Variants in ATAD2B observed in about 807,000 individuals in gnomAD.
ATAD2B encodes ATPase family AAA domain-containing protein 2B.
In ATAD2B, 40 loss-of-function variants were observed where a neutral mutation model predicts 167.6. The observed-to-expected ratio is 0.24, with a 90% CI of 0.19 to 0.31. The LOEUF is 0.31. Among genes scored for constraint, ATAD2B ranks in the 10% least tolerant of loss-of-function variants. ATAD2B has a pLI of 1.00. For synonymous variants in ATAD2B, 579 were observed against 596.5 expected (o/e 0.97, Z 0.43); for missense variants, 1,242 against 1,757.2 (o/e 0.71, Z 5.24).
intron 19 of ATAD2B, among the ~76,000 whole-genome samples, chr2:23,791,468 CTT>C (rs34442242): frequency 0.049 from 6,883 of 139,296 alleles, 201 homozygotes; most frequent in Non-Finnish European, 0.07. Flanking sequence ...TGCAAAAGCA[CTT>C]TTTTTTTTTT....
chr2:23,825,237 C>A (rs1688072140), intron 15 of ATAD2B, among the ~76,000 whole-genome samples: 1 of 151,326 alleles, frequency 6.6e-6, no homozygotes, highest in Non-Finnish European at 1.5e-5. Flanking sequence ...AGTCATCACA[C>A]CTGGCCTATT....
chr2:23,739,701 A>T, the ATAD2B span, among the ~76,000 whole-genome samples: 1 of 152,266 alleles, frequency 6.6e-6, no homozygotes, highest in African/African-American at 2.4e-5. Flanking sequence ...AACTAAGATC[A>T]GAGCATAACT....
the ATAD2B span, among the ~76,000 whole-genome samples, chr2:23,684,960 G>A: frequency 2.0e-5 from 3 of 152,330 alleles, no homozygotes; most frequent in East Asian, 1.9e-4. This position sits in a 1 kb window ranked among gnomAD's most constrained non-coding sequence, Gnocchi z 4.4. Context: ...TGCTGTCGGT[G>A]GTGACTAATG....
intron 13 of ATAD2B, among the ~76,000 whole-genome samples, chr2:23,837,252 C>A (rs1160310167): frequency 6.6e-6 from 1 of 152,218 alleles, no homozygotes; most frequent in Non-Finnish European, 1.5e-5. Context: ...CCCAATCTTG[C>A]TCCAAGATCG....
At chr2:23,818,168 AGAGAGG>A (rs1209267482) in intron 17 of ATAD2B, among the ~76,000 whole-genome samples, 1 of 140,978 alleles carries the variant, frequency 7.1e-6, no homozygotes. Context: ...GGAGGGAAGA[AGAGAGG>A]GAGAGGGAGA....
chr2:23,746,048 T>A (rs1558476597), downstream of ATAD2B, among the ~76,000 whole-genome samples: 1 of 152,234 alleles, frequency 6.6e-6, no homozygotes, highest in African/African-American at 2.4e-5. Flanking sequence ...TGCCTGGAAA[T>A]CCTTTCCCAC....
rs566958426 is a variant in ATAD2B, at chr2:23,837,063, C to A, written c.1569-2985G>T. 6.6e-5 allele frequency among the ~76,000 whole-genome samples: 10 copies of A among 152,306 alleles called. No individual in the cohort carries two copies. The East Asian group carries it at 1.7e-3, about 27-fold the overall frequency. On this transcript the variant is annotated intron_variant, in intron 13 of 27. Coordinates refer to ENST00000238789, the MANE Select transcript of ATAD2B (RefSeq NM_017552.4). ...TGCCATTCATGGTGCCCAAGCTGTT[C>A]GTGCCAAGGGGCACCTGCAGGCCAG...
chr2:23,739,656 C>A, the ATAD2B span, among the ~76,000 whole-genome samples: 2 of 152,114 alleles, frequency 1.3e-5, no homozygotes, highest in Non-Finnish European at 2.9e-5. Context: ...AAAGCGAGAG[C>A]AAACACATTC....
intron 19 of ATAD2B, among the ~76,000 whole-genome samples, chr2:23,796,331 G>A (rs1682612730): frequency 6.6e-6 from 1 of 152,274 alleles, no homozygotes; most frequent in South Asian, 2.1e-4. Flanking sequence ...AATAAATACT[G>A]AAAAAGGTTA....
the ATAD2B span, among the ~76,000 whole-genome samples, chr2:23,680,492 CA>C: frequency 6.6e-6 from 1 of 152,174 alleles, no homozygotes; most frequent in East Asian, 1.9e-4. The surrounding 1 kb of genome is among the most constrained non-coding windows in gnomAD (Gnocchi z 4.1). Context: ...CGAGGAGACC[CA>C]AAAACAACCT....
intron 8 of ATAD2B, chr2:23,872,730 C>G: frequency 3.8e-6 from 4 of 1,064,386 alleles, no homozygotes; most frequent in Non-Finnish European, 5.8e-6. Flanking sequence ...TCAGTCAGAC[C>G]CCCATAGTGC....
chr2:23,890,315 G>GC lies in ATAD2B; in HGVS notation c.369-1917dup, dbSNP rs969246714. ...TCAAAAAAATAACAACAAAAATCTA[G>GC]CCCCCCCGCCTTTCCTCTAGAAAAC... On this transcript the variant is annotated intron_variant, in intron 2 of 27. Coordinates refer to ENST00000238789, the MANE Select transcript of ATAD2B (RefSeq NM_017552.4). Among the ~76,000 whole-genome samples, 53 of 151,412 alleles carry GC rather than the reference G, an allele frequency of 3.5e-4. 1 individual carries two copies. Among genetic ancestry groups the GC allele is most frequent in the South Asian group, 2.1e-4 (1 of 4,794 alleles).
intron 13 of ATAD2B, among the ~76,000 whole-genome samples, chr2:23,843,641 A>G (rs1691287888): frequency 6.6e-6 from 1 of 152,186 alleles, no homozygotes; most frequent in African/African-American, 2.4e-5. Flanking sequence ...GCTCCACAGA[A>G]AGCAAACTCA....
chr2:23,774,349 G>A (rs2149357377), intron 22 of ATAD2B, among the ~76,000 whole-genome samples: 1 of 152,260 alleles, frequency 6.6e-6, no homozygotes, highest in East Asian at 1.9e-4. Context: ...TAGCTACTCG[G>A]GAGGCTGAGG....
At chr2:23,778,119 T>G (rs1158734129) in intron 22 of ATAD2B, among the ~76,000 whole-genome samples, 7 of 151,264 alleles carry the variant, frequency 4.6e-5, no homozygotes, top group African/African-American at 1.7e-4. Flanking sequence ...CAAGTGGTTC[T>G]GTTGCTAAGA....
chr2:23,751,851 T>C lies in ATAD2B; in HGVS notation c.*195A>G. The C allele has an allele frequency of 1.8e-6, 1 of 567,084 alleles. No homozygotes were observed. The highest frequency in any genetic ancestry group is 3.2e-6 in the Non-Finnish European group (1 of 316,182). 35.1% of individuals were successfully genotyped at this position (567,084 alleles called of 1,614,324 possible). A position where few individuals can be genotyped will look rare whatever the true frequency, so the allele number is the denominator to read the frequency against. ...AAAATACAACATGTTTCTGAAGTTC[T>C]GTTTGGTTCTTGTAGGCTGGTTGGT... On this transcript the variant is annotated 3_prime_UTR_variant, in exon 28 of 28. Transcript: ENST00000238789.
At chr2:23,818,523 C>A (rs1686955081) in intron 17 of ATAD2B, among the ~76,000 whole-genome samples, 1 of 151,598 alleles carries the variant, frequency 6.6e-6, no homozygotes, top group Admixed American at 6.6e-5. Context: ...TATTAAAGAA[C>A]ATATGAAGAA....
chr2:23,760,319 T>C (rs1676488871), intron 24 of ATAD2B, among the ~76,000 whole-genome samples: 2 of 152,186 alleles, frequency 1.3e-5, no homozygotes, highest in East Asian at 3.8e-4. Context: ...TCACAGTACC[T>C]GGCATGTGGC....
At chr2:23,888,276 T>A (rs1249616417) in intron 3 of ATAD2B, 74 bp downstream of exon 3, 7 of 1,049,326 alleles carry the variant, frequency 6.7e-6, no homozygotes, top group Non-Finnish European at 9.9e-6. Flanking sequence ...ATCACTCTAT[T>A]TTTCCCCACT....
Sources: allele counts gnomAD v4.1 joint callset (sites outside exome capture counted in the v4.1 genomes callset), GRCh38; gene constraint gnomAD v4.1.1; non-coding constraint Gnocchi (gnomAD v3.1); transcripts MANE v1.5; gene names NCBI Gene and HGNC (gene_info 2026-07-23, HGNC 2026-07-21).